CNNM2: variants seen among roughly 807,000 people sequenced by gnomAD.
CNNM2 encodes cyclin and CBS domain divalent metal cation transport mediator 2, also known as metal transporter CNNM2.
Under a neutral mutation model 66.9 loss-of-function variants are expected in CNNM2, and 12 were observed. The observed-to-expected ratio is 0.18, with a 90% CI of 0.11 to 0.29. CNNM2 has a LOEUF of 0.29. Among genes scored for constraint, CNNM2 ranks in the 10% least tolerant of loss-of-function variants. CNNM2 has a pLI of 1.00. For synonymous variants in CNNM2, 557 were observed against 501.8 expected (o/e 1.11, Z -1.47); for missense variants, 705 against 1,167.7 (o/e 0.60, Z 5.77).
chr10:102,970,813 A>G (rs578078900), intron 1 of CNNM2, among the ~76,000 whole-genome samples: 1 of 152,262 alleles, frequency 6.6e-6, no homozygotes, highest in African/African-American at 2.4e-5. Context: ...TCATTTCTCA[A>G]GTGTCACCCT....
At chr10:103,016,950 G>A (rs1425338586) in intron 1 of CNNM2, among the ~76,000 whole-genome samples, 2 of 151,586 alleles carry the variant, frequency 1.3e-5, no homozygotes, top group East Asian at 1.9e-4. Context: ...TTTTGGGCGG[G>A]GGGTACTTTG....
rs1179488091 is a variant in CNNM2, at chr10:103,082,478, G to A, written c.*5298G>A. 6.6e-6 allele frequency: 1 copy of A among 152,212 alleles called. No individual in the cohort carries two copies. Among genetic ancestry groups the A allele is most frequent in the Non-Finnish European group, 1.5e-5 (1 of 68,032 alleles). The allele number at this position is 152,212 out of a possible 1,614,324, so 9.4% of individuals were successfully genotyped here. On this transcript the variant is annotated 3_prime_UTR_variant, in exon 8 of 8. Transcript: ENST00000369878. ...CCAAGTCTGAATCTACTGTGAAGGT[G>A]AAGTTATCAATTTTTTCTTGTTTGA...
intron 4 of CNNM2, 31 bp downstream of exon 4, chr10:103,056,995 C>G (rs1238334983): frequency 2.5e-6 from 4 of 1,589,374 alleles, no homozygotes; most frequent in Non-Finnish European, 3.4e-6. Flanking sequence ...GTGGTTTGCT[C>G]TCACTGAGTA....
At chr10:103,033,130 GAAAAGA>G (rs1171141874) in intron 1 of CNNM2, among the ~76,000 whole-genome samples, 6 of 149,254 alleles carry the variant, frequency 4.0e-5, no homozygotes, top group Non-Finnish European at 8.9e-5. Context: ...AAAAAAAAAA[GAAAAGA>G]AAAACAGAAA....
At position 103,087,466 on chromosome 10, in the gene CNNM2, G is replaced by A. The variant is rs1303279428; in HGVS notation, c.*10286G>A. ...TCACTTTCCGATCTTTGGACCCAGAGAATCATTTGCCATGGAATCATCTGG... is the reference window on the plus strand; with the variant it reads ...TCACTTTCCGATCTTTGGACCCAGAAAATCATTTGCCATGGAATCATCTGG... On this transcript the variant is annotated 3_prime_UTR_variant, in exon 8 of 8. Transcript: ENST00000369878. 2.0e-5 allele frequency: 3 copies of A among 152,060 alleles called. No homozygotes were observed. Among genetic ancestry groups the A allele is most frequent in the Non-Finnish European group, 4.4e-5 (3 of 68,032 alleles). 9.4% of individuals were successfully genotyped at this position (152,060 alleles called of 1,614,324 possible). A position where few individuals can be genotyped will look rare whatever the true frequency, so the allele number is the denominator to read the frequency against.
intron 4 of CNNM2, among the ~76,000 whole-genome samples, chr10:103,061,090 A>T (rs2065378977): frequency 6.6e-6 from 1 of 152,158 alleles, no homozygotes; most frequent in Non-Finnish European, 1.5e-5. Context: ...AAAAGAACAA[A>T]TTAATAAAGA....
At chr10:103,044,898 A>G (rs1210151429) in intron 1 of CNNM2, among the ~76,000 whole-genome samples, 6 of 152,218 alleles carry the variant, frequency 3.9e-5, no homozygotes, top group Non-Finnish European at 8.8e-5. Flanking sequence ...CTTTCCAGCC[A>G]AATCTGTCGG....
At chr10:102,947,994 A>G (rs556798260) in intron 1 of CNNM2, among the ~76,000 whole-genome samples, 14 of 152,292 alleles carry the variant, frequency 9.2e-5, no homozygotes, top group African/African-American at 3.4e-4. Flanking sequence ...TGGAGCTTGC[A>G]GTGAGCCGAG....
At chr10:102,942,839 A>C (rs558250367) in intron 1 of CNNM2, among the ~76,000 whole-genome samples, 28 of 152,368 alleles carry the variant, frequency 1.8e-4, no homozygotes, top group African/African-American at 6.5e-4. Flanking sequence ...GTAGAGTTAC[A>C]TTTATAAAGT....
intron 1 of CNNM2, among the ~76,000 whole-genome samples, chr10:102,961,745 C>T (rs1053385669): frequency 4.6e-5 from 7 of 151,948 alleles, no homozygotes; most frequent in African/African-American, 1.7e-4. Flanking sequence ...TCACTTAGAA[C>T]CAGCTGAAAA....
At chr10:103,037,735 C>T (rs1459800203) in intron 1 of CNNM2, among the ~76,000 whole-genome samples, 2 of 152,122 alleles carry the variant, frequency 1.3e-5, no homozygotes, top group Non-Finnish European at 2.9e-5. Context: ...AAGTTGTATA[C>T]GTTGAAAATA....
chr10:102,980,324 G>GT lies in CNNM2; in HGVS notation c.1621+60236dup, dbSNP rs778443887. 0.02 allele frequency among the ~76,000 whole-genome samples: 2,827 copies of GT among 141,634 alleles called. 58 individuals carry two copies. The highest frequency in any genetic ancestry group is 0.055 in the African/African-American group (2,160 of 39,064). 92.9% of individuals were successfully genotyped at this position (141,634 alleles called of 152,430 possible). On this transcript the variant is annotated intron_variant, in intron 1 of 7. Coordinates refer to ENST00000369878, the MANE Select transcript of CNNM2 (RefSeq NM_017649.5). ...ATCTATTTTATTTCAGTTTTAGTGGGTTTTTTTTTTTTTCATAGCTCACTG... is the reference window on the plus strand; with the variant it reads ...ATCTATTTTATTTCAGTTTTAGTGGGTTTTTTTTTTTTTTCATAGCTCACTG...
At chr10:102,981,356 A>G (rs537966368) in intron 1 of CNNM2, among the ~76,000 whole-genome samples, 2 of 151,890 alleles carry the variant, frequency 1.3e-5, no homozygotes, top group South Asian at 4.2e-4. Flanking sequence ...CTCAAAAAAA[A>G]ACCCCAAAAC....
In CNNM2 at chr10:103,086,180, ACT is replaced by A. The variant is rs1397287944; in HGVS notation, c.*9004_*9005del. 3.9e-5 allele frequency: 6 copies of A among 152,138 alleles called. No individual in the cohort carries two copies. Among genetic ancestry groups the A allele is most frequent in the African/African-American group, 1.4e-4 (6 of 41,482 alleles). 9.4% of individuals were successfully genotyped at this position (152,138 alleles called of 1,614,324 possible). On this transcript the variant is annotated 3_prime_UTR_variant, in exon 8 of 8. Transcript: ENST00000369878. ...CTGGTAGCTCCATGGTAGAGATTTC[ACT>A]CTCAGGGCCTCCCAAAAGTTGTGTA...
Position 103,078,484 on chromosome 10 carries a change from A to G in CNNM2, c.*1304A>G, listed in dbSNP as rs2065724653. 2 of 152,344 alleles carry G rather than the reference A, an allele frequency of 1.3e-5. No homozygotes were observed. Among genetic ancestry groups the G allele is most frequent in the South Asian group, 4.2e-4 (2 of 4,816 alleles). The allele number at this position is 152,344 out of a possible 1,614,324, so 9.4% of individuals were successfully genotyped here. A position where few individuals can be genotyped will look rare whatever the true frequency, so the allele number is the denominator to read the frequency against. ...CCCCAAACAGGGATTCAGAAACCAA[A>G]TGTGTGTTGTGGCCATTTTATGTGT... On this transcript the variant is annotated 3_prime_UTR_variant, in exon 8 of 8. Coordinates refer to ENST00000369878, the MANE Select transcript of CNNM2 (RefSeq NM_017649.5).
At chr10:102,963,599 C>T (rs988644619) in intron 1 of CNNM2, among the ~76,000 whole-genome samples, 1 of 152,082 alleles carries the variant, frequency 6.6e-6, no homozygotes. Context: ...GCTGATTGTT[C>T]CCGGAGAATC....
At chr10:102,986,831 A>T (rs150247053) in intron 1 of CNNM2, among the ~76,000 whole-genome samples, 2 of 151,812 alleles carry the variant, frequency 1.3e-5, no homozygotes, top group East Asian at 3.9e-4. Context: ...TTATATTACT[A>T]GAGGTGGTGA....
At chr10:103,060,539 C>T (rs1028482460) in intron 4 of CNNM2, among the ~76,000 whole-genome samples, 4 of 151,954 alleles carry the variant, frequency 2.6e-5, no homozygotes, top group African/African-American at 7.3e-5. Flanking sequence ...AGTGAGACCC[C>T]CATCTCCAAA....
chr10:103,028,808 CTTTTTCTTTTTT>C, intron 1 of CNNM2, among the ~76,000 whole-genome samples: 1 of 135,150 alleles, frequency 7.4e-6, no homozygotes, highest in East Asian at 2.2e-4. Context: ...TTTTCTTTTT[CTTTTTCTTTTTT>C]TTTTTTTCTT....
Sources: allele counts gnomAD v4.1 joint callset (sites outside exome capture counted in the v4.1 genomes callset), GRCh38; gene constraint gnomAD v4.1.1; transcripts MANE v1.5; gene names NCBI Gene and HGNC (gene_info 2026-07-23, HGNC 2026-07-21).